TENM4: variants seen among roughly 807,000 people sequenced by gnomAD.
The protein encoded by TENM4 is teneurin transmembrane protein 4.
A neutral mutation model predicts 243.3 loss-of-function variants in TENM4; 82 were observed. The ratio of observed to expected loss-of-function variants is 0.34; its 90% CI spans 0.28 to 0.40. The LOEUF is 0.40. Ranked by LOEUF, TENM4 falls within the 10% of genes least tolerant of loss-of-function variation. The pLI is 1.00. For missense variants in TENM4, 3,138 were observed against 3,673.3 expected (o/e 0.85, Z 3.77); for synonymous variants, 1,412 against 1,456.3 (o/e 0.97, Z 0.69).
At chr11:79,179,160 C>T (rs1863232482) in intron 3 of TENM4, among the ~76,000 whole-genome samples, 1 of 152,186 alleles carries the variant, frequency 6.6e-6, no homozygotes, top group Admixed American at 6.5e-5. Flanking sequence ...TCATATGCAT[C>T]ACCTCACTTC....
At chr11:78,830,408 G>A (rs1857952319) in intron 12 of TENM4, among the ~76,000 whole-genome samples, 1 of 152,154 alleles carries the variant, frequency 6.6e-6, no homozygotes, top group Non-Finnish European at 1.5e-5. Context: ...GCTCACTGTT[G>A]GCTGTTAAAC....
At chr11:78,783,130 G>A (rs1856870029) in intron 16 of TENM4, among the ~76,000 whole-genome samples, 1 of 152,138 alleles carries the variant, frequency 6.6e-6, no homozygotes, top group Non-Finnish European at 1.5e-5. Context: ...GATCCAAAAT[G>A]TTAGTAGTGT....
chr11:79,342,969 T>A (rs930809714), intron 1 of TENM4, among the ~76,000 whole-genome samples: 3 of 152,226 alleles, frequency 2.0e-5, no homozygotes, highest in African/African-American at 7.2e-5. Flanking sequence ...TGAGGATAAG[T>A]CCACCACATT....
At chr11:78,925,604 A>T (rs1190380102) in intron 6 of TENM4, among the ~76,000 whole-genome samples, 1 of 151,864 alleles carries the variant, frequency 6.6e-6, no homozygotes, top group Non-Finnish European at 1.5e-5. Context: ...GCTTTCACAC[A>T]CTCCTCCATG....
At position 78,787,012 on chromosome 11, in the gene TENM4, T is replaced by A; in HGVS notation, c.2251A>T (p.Met751Leu). The A allele has an allele frequency of 6.4e-7, 1 of 1,568,098 alleles. No individual in the cohort carries two copies. The highest frequency in any genetic ancestry group is 8.6e-7 in the Non-Finnish European group (1 of 1,156,554). ...GGTCRCEDGW[M>L]GAACDQRACH... ...GCCCGCTGGTCGCAGGCTGCCCCCATCCAGCCATCCTCGCAGCGGCAGGTG... is the reference window on the plus strand; with the variant it reads ...GCCCGCTGGTCGCAGGCTGCCCCCAACCAGCCATCCTCGCAGCGGCAGGTG... The change falls in exon 16 of 34, where the codon ATG (methionine) becomes TTG (leucine). Residue 751 changes from methionine (M) to leucine (L), a missense_variant. This residue lies in a region of TENM4 where 2,467 missense variants were observed against 3,059.1 expected (regional missense o/e 0.81). Coordinates refer to ENST00000278550, the MANE Select transcript of TENM4 (RefSeq NM_001098816.3).
intron 19 of TENM4, among the ~76,000 whole-genome samples, chr11:78,750,475 T>G (rs1856163883): frequency 2.0e-5 from 3 of 152,244 alleles, no homozygotes. Context: ...TTTGTTCATT[T>G]GTTTTCAACA....
intron 22 of TENM4, among the ~76,000 whole-genome samples, chr11:78,727,694 G>C (rs941234047): frequency 6.6e-6 from 1 of 152,156 alleles, no homozygotes. Context: ...CCCCTTAGAA[G>C]GTCACTGGGA....
intron 6 of TENM4, among the ~76,000 whole-genome samples, chr11:78,971,422 T>C (rs7104545): frequency 0.053 from 8,104 of 152,032 alleles, 373 homozygotes; most frequent in African/African-American, 0.12. Context: ...CCTGCCTCAG[T>C]CTCCCAAGTA....
At chr11:78,910,314 A>T (rs926307185) in intron 6 of TENM4, among the ~76,000 whole-genome samples, 12 of 152,232 alleles carry the variant, frequency 7.9e-5, no homozygotes, top group Non-Finnish European at 1.5e-4. Flanking sequence ...GATGGTATTT[A>T]GTTATCATAA....
At chr11:79,291,821 G>A (rs1856362233) in intron 2 of TENM4, among the ~76,000 whole-genome samples, 2 of 152,172 alleles carry the variant, frequency 1.3e-5, no homozygotes, top group Non-Finnish European at 2.9e-5. Flanking sequence ...CTCTGCCAAT[G>A]AGTATTCATA....
At chr11:79,081,753 T>TGGGGCA (rs1287559010) in intron 4 of TENM4, among the ~76,000 whole-genome samples, 1 of 152,130 alleles carries the variant, frequency 6.6e-6, no homozygotes, top group Non-Finnish European at 1.5e-5. Context: ...ATTTTGCTGG[T>TGGGGCA]GGGGCAGGGG....
At chr11:78,785,449 T>A (rs894273071) in intron 16 of TENM4, among the ~76,000 whole-genome samples, 1 of 152,156 alleles carries the variant, frequency 6.6e-6, no homozygotes, top group Non-Finnish European at 1.5e-5. Flanking sequence ...ACCAGGACTT[T>A]ATCGTGCAAG....
rs1317851658 is a variant in TENM4, at chr11:79,148,637, T to G, written c.-66+73A>C. The G allele has an allele frequency of 3.3e-5, 10 of 299,492 alleles. No homozygotes were observed. In the Admixed American group the frequency reaches 6.5e-4, roughly 19 times the overall value. 18.6% of individuals were successfully genotyped at this position (299,492 alleles called of 1,614,324 possible). A position where few individuals can be genotyped will look rare whatever the true frequency, so the allele number is the denominator to read the frequency against. ...TACCTATTAATGCATATTTAAGAGG[T>G]AGAGAAAAAAAGAACCCATAACATT... On this transcript the variant is annotated intron_variant, in intron 4 of 33. Transcript: ENST00000278550.
intron 6 of TENM4, among the ~76,000 whole-genome samples, chr11:79,032,770 A>C (rs1859279696): frequency 6.6e-6 from 1 of 152,234 alleles, no homozygotes; most frequent in African/African-American, 2.4e-5. Flanking sequence ...AAGAGTTAGA[A>C]TACTTCTCCC....
rs1858247445 is a variant in TENM4, at chr11:78,669,291, T to C, written c.7054A>G (p.Ser2352Gly). 16 of 1,614,012 alleles carry C rather than the reference T, an allele frequency of 9.9e-6. No individual in the cohort carries two copies. The highest frequency in any genetic ancestry group is 1.4e-5 in the Non-Finnish European group (16 of 1,179,884). Residue 2352 changes from serine to glycine, a missense_variant, in exon 32 of 34, where the codon AGT (serine) becomes GGT (glycine). Physicochemically the swap from Ser to Gly is moderately conservative, Grantham distance 56. Transcript: ENST00000278550. This position sits in a 1 kb window ranked among gnomAD's most constrained non-coding sequence, Gnocchi z 6.4. Reference protein sequence around the residue: ...QGHLFAMELSSGDEFYIACDN... With the variant: ...QGHLFAMELSGGDEFYIACDN... ...CAAGCTATGTAAAACTCATCACCAC[T>C]GCTCAGCTCCATGGCAAAGAGGTGT...
chr11:79,360,180 A>G (rs1351209350), intron 1 of TENM4, among the ~76,000 whole-genome samples: 3 of 152,146 alleles, frequency 2.0e-5, no homozygotes, highest in African/African-American at 7.2e-5. Flanking sequence ...CTTCTCCATT[A>G]ATTCCATGAG....
intron 6 of TENM4, among the ~76,000 whole-genome samples, chr11:78,985,272 C>G (rs1857891811): frequency 6.6e-6 from 1 of 151,276 alleles, no homozygotes; most frequent in Admixed American, 6.6e-5. Flanking sequence ...TTTTTTTGAT[C>G]ATACTGGAAT....
chr11:79,309,459 A>T (rs577341503), intron 1 of TENM4, among the ~76,000 whole-genome samples: 5 of 152,320 alleles, frequency 3.3e-5, no homozygotes, highest in African/African-American at 1.2e-4. Flanking sequence ...TTAGCTACAC[A>T]TTTGTGCTCC....
At chr11:79,147,541 C>T (rs7930632) in intron 4 of TENM4, among the ~76,000 whole-genome samples, 27,484 of 152,044 alleles carry the variant, frequency 0.18, 2,570 homozygotes, top group Non-Finnish European at 0.2. Flanking sequence ...GATGTGAACA[C>T]TACTGTATCC....
Sources: gnomAD v4.1 joint callset for allele counts (sites outside exome capture counted in the v4.1 genomes callset) on GRCh38, gnomAD v4.1.1 for gene constraint, gnomAD v4.1.1 regional missense constraint, Gnocchi (gnomAD v3.1) non-coding constraint, MANE v1.5 for transcripts, NCBI Gene and HGNC (gene_info 2026-07-23, HGNC 2026-07-21) for gene names.